ZBBX: variants seen among roughly 807,000 people sequenced by gnomAD.
ZBBX encodes the protein zinc finger B-box domain containing.
ZBBX carries 101 observed loss-of-function variants against 108.5 expected under a neutral mutation model. The observed-to-expected ratio is 0.93, with a 90% CI of 0.79 to 1.10. ZBBX has a LOEUF of 1.10. Among genes scored for constraint, ZBBX ranks in the 50% least tolerant of loss-of-function variants. The pLI is 0.00. For missense variants in ZBBX, 1,009 were observed against 941.4 expected, an observed-to-expected ratio of 1.07 and a Z score of -0.94; for synonymous variants, 356 against 323.4, an observed-to-expected ratio of 1.10 and a Z score of -1.08.
intron 10 of ZBBX, among the ~76,000 whole-genome samples, chr3:167,330,874 A>G (rs867184617): frequency 2.8e-4 from 26 of 92,464 alleles, no homozygotes; most frequent in Middle Eastern, 4.4e-3. Flanking sequence ...GGAGGAGGAG[A>G]AGAAGAAGAA....
chr3:167,293,862 T>C (rs554343240), intron 18 of ZBBX, among the ~76,000 whole-genome samples: 1 of 152,226 alleles, frequency 6.6e-6, no homozygotes, highest in South Asian at 2.1e-4. Context: ...GGATACAAAA[T>C]CAATGTGCAA....
chr3:167,335,385 G>C (rs552689531), intron 9 of ZBBX, among the ~76,000 whole-genome samples: 4 of 152,038 alleles, frequency 2.6e-5, no homozygotes, highest in East Asian at 1.9e-4. Context: ...TTCTCTGAAG[G>C]GTTTTCTATC....
the ZBBX span, among the ~76,000 whole-genome samples, chr3:167,211,944 G>A: frequency 6.6e-6 from 1 of 152,076 alleles, no homozygotes; most frequent in Admixed American, 6.6e-5. Context: ...GAGGTGGAAG[G>A]GATCCCCTAG....
At chr3:167,360,052 A>C (rs11922241) in intron 7 of ZBBX, 73 bp from the exon 8 acceptor site, 69,665 of 750,552 alleles carry the variant, frequency 0.093, 3,381 homozygotes, top group Admixed American at 0.11. Flanking sequence ...AAATTAATGA[A>C]ACTATGCATA....
At chr3:167,377,187 T>C (rs1296242372) in intron 2 of ZBBX, among the ~76,000 whole-genome samples, 1 of 152,198 alleles carries the variant, frequency 6.6e-6, no homozygotes, top group African/African-American at 2.4e-5. Context: ...TTGATGATCC[T>C]TCTACACATG....
In ZBBX at chr3:167,240,827, T is replaced by C. The variant is rs1292634669; in HGVS notation, c.2486A>G (p.His829Arg). The change falls in exon 22 of 22, where the codon CAT (histidine) becomes CGT (arginine). Residue 829 changes from histidine to arginine, a missense_variant. By Grantham distance (29) the His-to-Arg change is conservative. Coordinates refer to ENST00000675490, the MANE Select transcript of ZBBX (RefSeq NM_001199201.2). ...EEEEDFLNKQHVITLPWSKST is the reference protein window; with the variant it reads ...EEEEDFLNKQRVITLPWSKST Reference sequence around the variant, plus strand: ...CTTTGACCACGGTAGTGTGATGACATGTTGCTTGTTGAGAAAATCTTCCTC... The same window carrying C: ...CTTTGACCACGGTAGTGTGATGACACGTTGCTTGTTGAGAAAATCTTCCTC... 17 of 1,613,574 alleles carry C rather than the reference T, an allele frequency of 1.1e-5. No homozygotes were observed. In the South Asian group the frequency reaches 1.6e-4, roughly 16 times the overall value.
At chr3:167,278,323 G>A (rs201545086) in intron 20 of ZBBX, among the ~76,000 whole-genome samples, 101 of 149,568 alleles carry the variant, frequency 6.8e-4, no homozygotes, top group African/African-American at 2.1e-3. Context: ...TGGTTTTTTG[G>A]AAGGATCAAC....
Position 167,330,868 on chromosome 3 carries a change from G to GAAGAAGAAGAAGAAGA in ZBBX, c.688-2753_688-2752insTCTTCTTCTTCTTCTT, listed in dbSNP as rs1553820652. 8.1e-3 allele frequency among the ~76,000 whole-genome samples: 349 copies of GAAGAAGAAGAAGAAGA among 43,178 alleles called. 5 individuals are homozygous for GAAGAAGAAGAAGAAGA. The highest frequency in any genetic ancestry group is 0.019 in the Middle Eastern group (2 of 104). The allele number at this position is 43,178 out of a possible 152,430, so 28.3% of individuals were successfully genotyped here. On this transcript the variant is annotated intron_variant, in intron 10 of 21. Coordinates refer to ENST00000675490, the MANE Select transcript of ZBBX (RefSeq NM_001199201.2). ...AGAGGAGGAGGAGGAGGAGGAGGAG[G>GAAGAAGAAGAAGAAGA]AGGAGAAGAAGAAGAAGAAGAAGAA...
intron 11 of ZBBX, among the ~76,000 whole-genome samples, chr3:167,325,008 G>T (rs1737103194): frequency 6.6e-6 from 1 of 152,106 alleles, no homozygotes; most frequent in South Asian, 2.1e-4. Flanking sequence ...TGCCATTCCT[G>T]AAGTGCTTGA....
At chr3:167,355,595 CAT>C (rs1475654311) in intron 8 of ZBBX, among the ~76,000 whole-genome samples, 1 of 151,534 alleles carries the variant, frequency 6.6e-6, no homozygotes, top group Non-Finnish European at 1.5e-5. Flanking sequence ...CATATATACA[CAT>C]ATGTGGCTTT....
chr3:167,222,178 A>T, the ZBBX span, among the ~76,000 whole-genome samples: 2 of 151,520 alleles, frequency 1.3e-5, no homozygotes, highest in South Asian at 4.2e-4. Context: ...AGATGAATAG[A>T]TAAAGAAAAT....
intron 9 of ZBBX, among the ~76,000 whole-genome samples, chr3:167,342,800 A>C (rs1020747647): frequency 2.1e-5 from 3 of 142,614 alleles, no homozygotes; most frequent in South Asian, 2.2e-4. Context: ...TATTACCACA[A>C]AAAAAAAAAA....
At position 167,395,744 on chromosome 3, in the gene ZBBX, C is replaced by T. The variant is rs114651353; in HGVS notation, c.-446+11982G>A. Among the ~76,000 whole-genome samples, 691 of 152,054 alleles carry T rather than the reference C, an allele frequency of 4.5e-3. 4 individuals carry two copies. Among genetic ancestry groups the T allele is most frequent in the African/African-American group, 0.016 (652 of 41,516 alleles). On this transcript the variant is annotated intron_variant, in intron 1 of 21. Transcript: ENST00000455345. Reference sequence around the variant, plus strand: ...CGGATTGAAGGCTGAGGGTTCCCTTCAATTTTAGCTTATTTTGCCTTTTTG... The same window carrying T: ...CGGATTGAAGGCTGAGGGTTCCCTTTAATTTTAGCTTATTTTGCCTTTTTG...
chr3:167,247,050 A>G (rs963479568), intron 20 of ZBBX, among the ~76,000 whole-genome samples: 3 of 152,202 alleles, frequency 2.0e-5, no homozygotes, highest in Non-Finnish European at 4.4e-5. Flanking sequence ...CTAAGGCTCC[A>G]CACCACAGAC....
intron 2 of ZBBX, among the ~76,000 whole-genome samples, chr3:167,378,979 TGA>T (rs1256387097): frequency 8.5e-5 from 13 of 152,188 alleles, no homozygotes; most frequent in African/African-American, 3.1e-4. Context: ...CCCAAATATT[TGA>T]GAGTGGTCCT....
intron 1 of ZBBX, among the ~76,000 whole-genome samples, chr3:167,402,352 G>A (rs902668745): frequency 6.6e-6 from 1 of 152,090 alleles, no homozygotes; most frequent in Admixed American, 6.6e-5. Flanking sequence ...ACTGAATGTT[G>A]GCGATTGGGT....
At chr3:167,210,326 T>C in the ZBBX span, among the ~76,000 whole-genome samples, 1 of 151,916 alleles carries the variant, frequency 6.6e-6, no homozygotes, top group Non-Finnish European at 1.5e-5. Flanking sequence ...AATAGTGAAC[T>C]TGAAAACAGA....
the ZBBX span, among the ~76,000 whole-genome samples, chr3:167,184,502 G>A: frequency 6.6e-6 from 1 of 151,812 alleles, no homozygotes; most frequent in African/African-American, 2.4e-5. Flanking sequence ...CTTACTCCCT[G>A]GTATCTACCC....
chr3:167,221,506 T>C, the ZBBX span, among the ~76,000 whole-genome samples: 2 of 151,758 alleles, frequency 1.3e-5, no homozygotes, highest in African/African-American at 2.4e-5. Context: ...TTGTTGACTA[T>C]GAAAATCAAA....
Sources: gnomAD v4.1 joint callset for allele counts (sites outside exome capture counted in the v4.1 genomes callset) on GRCh38, gnomAD v4.1.1 for gene constraint, MANE v1.5 for transcripts, NCBI Gene and HGNC (gene_info 2026-07-23, HGNC 2026-07-21) for gene names.